EIF1AX: variants seen among roughly 807,000 people sequenced by gnomAD.
EIF1AX encodes the protein eukaryotic translation initiation factor 1A X-linked, also known as eukaryotic translation initiation factor 1A, X-chromosomal.
Under a neutral mutation model 16.1 loss-of-function variants are expected in EIF1AX, and 1 was observed. That is an observed-to-expected ratio of 0.06 (90% confidence interval 0.02 to 0.30). EIF1AX has a LOEUF of 0.30. EIF1AX is among the 10% of genes least tolerant of loss of function. The pLI is 1.00. For synonymous variants in EIF1AX, 32 were observed against 37.3 expected (o/e 0.86, Z 0.51); for missense variants, 11 against 109.1 (o/e 0.10, Z 4.00).
Position 20,126,220 on chromosome X carries a change from A to C in EIF1AX, c.*2086T>G, listed in dbSNP as rs968063929. On this transcript the variant is annotated 3_prime_UTR_variant, in exon 7 of 7. Transcript: ENST00000379607. ...AAATGAAAAATAAAACTTCTTGGAG[A>C]CCATTTCCATTATTTATGATTAAAT... The C allele has an allele frequency of 1.4e-4, 19 of 140,488 alleles. No individual in the cohort carries two copies. Among genetic ancestry groups the C allele is most frequent in the Non-Finnish European group, 2.8e-5 (2 of 70,554 alleles). 11.6% of individuals were successfully genotyped at this position (140,488 alleles called of 1,213,427 possible).
At chrX:20,129,045 T>C (rs1044874083) in intron 6 of EIF1AX, among the ~76,000 whole-genome samples, 2 of 111,186 alleles carry the variant, frequency 1.8e-5, no homozygotes, top group Non-Finnish European at 3.8e-5. Flanking sequence ...AAGAATAGAA[T>C]TGTTAATTCT....
chrX:20,130,751 G>A, intron 5 of EIF1AX, 144 bp from the exon 6 acceptor site: 1 of 505,510 alleles, frequency 2.0e-6, no homozygotes, highest in Non-Finnish European at 2.9e-6. Context: ...GCTAAGTCAA[G>A]ATGGGAGTAT....
At chrX:20,134,594 G>A (rs1439628783) in intron 3 of EIF1AX, among the ~76,000 whole-genome samples, 3 of 107,215 alleles carry the variant, frequency 2.8e-5, no homozygotes, top group East Asian at 3.0e-4. Context: ...AAAAATTAGC[G>A]AGGCGTGGTG....
chrX:20,141,767 G>C lies in EIF1AX; in HGVS notation c.-127C>G. ...AAGTAGGTGCTGGAGGCCAGGCAAC[G>C]TGCGCGGGAGAGGCTGGCGACCCAG... is the stretch of plus-strand genomic sequence containing the variant. On this transcript the variant is annotated 5_prime_UTR_variant, in exon 1 of 7. Transcript: ENST00000379607. 2.9e-6 allele frequency: 2 copies of C among 682,390 alleles called. No individual in the cohort carries two copies. Among genetic ancestry groups the C allele is most frequent in the Non-Finnish European group, 2.1e-6 (1 of 480,641 alleles). 56.2% of individuals were successfully genotyped at this position (682,390 alleles called of 1,213,427 possible). A position where few individuals can be genotyped will look rare whatever the true frequency, so the allele number is the denominator to read the frequency against.
In EIF1AX at chrX:20,124,707, A is replaced by G. The variant is rs1489615822; in HGVS notation, c.*3599T>C. 7.1e-6 allele frequency: 1 copy of G among 140,762 alleles called. No individual in the cohort carries two copies. Among genetic ancestry groups the G allele is most frequent in the Non-Finnish European group, 1.4e-5 (1 of 70,310 alleles). The allele number at this position is 140,762 out of a possible 1,213,427, so 11.6% of individuals were successfully genotyped here. On this transcript the variant is annotated 3_prime_UTR_variant, in exon 7 of 7. Transcript: ENST00000379607. ...AATATTATCAGAGGTATCAATATTA[A>G]TAACTATAATCTTTTTCTAAAGAAA...
At position 20,125,413 on chromosome X, in the gene EIF1AX, T is replaced by C. The variant is rs2066982408; in HGVS notation, c.*2893A>G. 7 of 170,952 alleles carry C rather than the reference T, an allele frequency of 4.1e-5. No homozygotes were observed. Among genetic ancestry groups the C allele is most frequent in the Admixed American group, 2.4e-4 (3 of 12,559 alleles). 14.1% of individuals were successfully genotyped at this position (170,952 alleles called of 1,213,427 possible). On this transcript the variant is annotated 3_prime_UTR_variant, in exon 7 of 7. Coordinates refer to ENST00000379607, the MANE Select transcript of EIF1AX (RefSeq NM_001412.4). ...AGGGTAAACCAAAAACACAAAGCAG[T>C]GTGCAAAAGTTCATGGGAGTCCAAA...
chrX:20,130,725 T>A (rs2066998926), intron 5 of EIF1AX, 118 bp from the exon 6 acceptor site: 1 of 685,672 alleles, frequency 1.5e-6, no homozygotes, highest in East Asian at 4.4e-5. Context: ...TGAAAAAAAA[T>A]TCCTGCAGTG....
chrX:20,141,836 G>A lies in EIF1AX; in HGVS notation c.-196C>T. 1 of 412,790 alleles carries A rather than the reference G, an allele frequency of 2.4e-6. No individual in the cohort carries two copies. The highest frequency in any genetic ancestry group is 4.1e-6 in the Non-Finnish European group (1 of 242,942). 34.0% of individuals were successfully genotyped at this position (412,790 alleles called of 1,213,427 possible). A position where few individuals can be genotyped will look rare whatever the true frequency, so the allele number is the denominator to read the frequency against. On this transcript the variant is annotated 5_prime_UTR_variant, in exon 1 of 7. Transcript: ENST00000379607. Reference sequence around the variant, plus strand: ...GCGTCCACGCTCGGCGGCAGCAAATGGCGCCGCGACTCTTTGCGTCGCTTT... The same window carrying A: ...GCGTCCACGCTCGGCGGCAGCAAATAGCGCCGCGACTCTTTGCGTCGCTTT...
At chrX:20,137,456 T>C (rs2067020845) in intron 2 of EIF1AX, among the ~76,000 whole-genome samples, 1 of 109,603 alleles carries the variant, frequency 9.1e-6, no homozygotes, top group South Asian at 3.9e-4. Flanking sequence ...AAAAAAAAAA[T>C]TAAAAAATCC....
intron 6 of EIF1AX, among the ~76,000 whole-genome samples, chrX:20,129,198 T>G (rs2066993943): frequency 8.9e-6 from 1 of 112,012 alleles, no homozygotes; most frequent in African/African-American, 3.2e-5. Context: ...TATTAGTAAT[T>G]TAACTCACAG....
rs1391126662 is a variant in EIF1AX at position 20,126,438 on chromosome X, G to A, written c.*1868C>T. The A allele has an allele frequency of 2.3e-5, 3 of 130,097 alleles. No homozygotes were observed. The highest frequency in any genetic ancestry group is 4.5e-5 in the Non-Finnish European group (3 of 66,306). The allele number at this position is 130,097 out of a possible 1,213,427, so 10.7% of individuals were successfully genotyped here. A position where few individuals can be genotyped will look rare whatever the true frequency, so the allele number is the denominator to read the frequency against. ...AATCACCAGTAAATACATGAACTGG[G>A]GTTATAGCTGAATTTTTAGAAACTC... On this transcript the variant is annotated 3_prime_UTR_variant, in exon 7 of 7. Coordinates refer to ENST00000379607, the MANE Select transcript of EIF1AX (RefSeq NM_001412.4).
intron 6 of EIF1AX, among the ~76,000 whole-genome samples, chrX:20,128,934 A>ATT (rs571306745): frequency 1.0e-5 from 1 of 100,331 alleles, no homozygotes; most frequent in African/African-American, 3.6e-5. Flanking sequence ...AGGTTCCTTA[A>ATT]TTTTTTTTTT....
At chrX:20,138,445 G>C in intron 2 of EIF1AX, 94 bp downstream of exon 2, 1 of 724,382 alleles carries the variant, frequency 1.4e-6, no homozygotes, top group African/African-American at 2.1e-5. Flanking sequence ...CTTCACCCTG[G>C]GCGATGGGCA....
chrX:20,138,803 C>CATT (rs2067025505), intron 1 of EIF1AX, among the ~76,000 whole-genome samples, 181 bp from the exon 2 acceptor site: 1 of 111,856 alleles, frequency 8.9e-6, no homozygotes, highest in Admixed American at 9.5e-5. Flanking sequence ...AACATTAACA[C>CATT]ATTATCACCT....
intron 6 of EIF1AX, 94 bp downstream of exon 6, chrX:20,130,422 G>T: frequency 1.2e-6 from 1 of 836,222 alleles, no homozygotes; most frequent in Non-Finnish European, 1.5e-6. Context: ...TTATTTAAGT[G>T]TCCCATGTTC....
chrX:20,129,265 C>T (rs923755625), intron 6 of EIF1AX, among the ~76,000 whole-genome samples: 7 of 111,400 alleles, frequency 6.3e-5, no homozygotes, highest in African/African-American at 2.3e-4. Context: ...TCCATCTTTG[C>T]ATCAAATTTA....
In EIF1AX at chrX:20,126,676, GT is replaced by G. The variant is rs1282892651; in HGVS notation, c.*1629del. On this transcript the variant is annotated 3_prime_UTR_variant, in exon 7 of 7. Transcript: ENST00000379607. Reference sequence around the variant, plus strand: ...GTTTAGAATACCAATGAAGAGAATTGTTAATTCTTCAAGGCTGGTTTCTTAT... The same window carrying G: ...GTTTAGAATACCAATGAAGAGAATTGTAATTCTTCAAGGCTGGTTTCTTAT... The G allele has an allele frequency of 7.6e-6, 1 of 131,805 alleles. No individual in the cohort carries two copies. Among genetic ancestry groups the G allele is most frequent in the Non-Finnish European group, 1.5e-5 (1 of 66,419 alleles). The allele number at this position is 131,805 out of a possible 1,213,427, so 10.9% of individuals were successfully genotyped here. A position where few individuals can be genotyped will look rare whatever the true frequency, so the allele number is the denominator to read the frequency against.
chrX:20,132,361 G>T, intron 4 of EIF1AX, 98 bp from the exon 5 acceptor site: 1 of 538,555 alleles, frequency 1.9e-6, no homozygotes, highest in Non-Finnish European at 2.9e-6. Context: ...AAATCTCACC[G>T]TTTTACTATA....
At chrX:20,129,438 C>T (rs1377458771) in intron 6 of EIF1AX, among the ~76,000 whole-genome samples, 1 of 111,489 alleles carries the variant, frequency 9.0e-6, no homozygotes. Flanking sequence ...GGTTGAAATA[C>T]ACAGGTGGTT....
Sources: gnomAD v4.1 joint callset for allele counts (sites outside exome capture counted in the v4.1 genomes callset) on GRCh38, gnomAD v4.1.1 for gene constraint, MANE v1.5 for transcripts, NCBI Gene and HGNC (gene_info 2026-07-23, HGNC 2026-07-21) for gene names.